Variants in EYS observed in about 807,000 individuals in gnomAD.
EYS encodes EGF-like photoreceptor maintenance factor.
EYS carries 250 observed loss-of-function variants against 282.1 expected under a neutral mutation model. The ratio of observed to expected loss-of-function variants is 0.89; its 90% CI spans 0.80 to 0.98. EYS has a LOEUF of 0.98. Among genes scored for constraint, EYS ranks in the 50% least tolerant of loss-of-function variants. EYS has a pLI of 0.00. For synonymous variants in EYS, 1,355 were observed against 1,282.9 expected (o/e 1.06, Z -1.20); for missense variants, 4,016 against 3,709.0 (o/e 1.08, Z -2.15).
At chr6:65,332,781 AT>A (rs995914170) in intron 11 of EYS, among the ~76,000 whole-genome samples, 1 of 151,230 alleles carries the variant, frequency 6.6e-6, no homozygotes, top group African/African-American at 2.4e-5. Context: ...CATAGTGTTA[AT>A]TTTTGTTAGT....
chr6:64,014,036 CCT>C (rs1169436644), intron 33 of EYS, among the ~76,000 whole-genome samples: 2 of 151,974 alleles, frequency 1.3e-5, no homozygotes, highest in African/African-American at 4.8e-5. Flanking sequence ...GGTGTTCACT[CCT>C]CTGAGTAATC....
At chr6:65,173,459 A>C (rs1373596574) in intron 12 of EYS, among the ~76,000 whole-genome samples, 1 of 151,266 alleles carries the variant, frequency 6.6e-6, no homozygotes, top group African/African-American at 2.4e-5. Flanking sequence ...ATGTATTATC[A>C]AACACCAATA....
At chr6:65,636,982 G>GC (rs1767109777) in intron 2 of EYS, among the ~76,000 whole-genome samples, 1 of 152,034 alleles carries the variant, frequency 6.6e-6, no homozygotes, top group Admixed American at 6.5e-5. Flanking sequence ...TGGATATGTT[G>GC]TTTTTTTAAA....
At chr6:65,276,290 T>C (rs1453736800) in intron 12 of EYS, among the ~76,000 whole-genome samples, 1 of 152,022 alleles carries the variant, frequency 6.6e-6, no homozygotes, top group African/African-American at 2.4e-5. Context: ...AGAGTAGAAA[T>C]AGAAGTAGCA....
intron 26 of EYS, among the ~76,000 whole-genome samples, chr6:64,515,935 T>C (rs1309821337): frequency 2.0e-5 from 3 of 151,794 alleles, no homozygotes; most frequent in Non-Finnish European, 4.4e-5. Flanking sequence ...GTAATTCCCA[T>C]ATAATTTTAT....
chr6:64,606,910 G>A (rs1011556267), intron 24 of EYS, among the ~76,000 whole-genome samples: 2 of 152,076 alleles, frequency 1.3e-5, no homozygotes, highest in African/African-American at 4.8e-5. Flanking sequence ...GATATGCTGT[G>A]TTGTACGTCA....
At chr6:65,435,210 T>C (rs1190542119) in intron 5 of EYS, among the ~76,000 whole-genome samples, 4 of 152,014 alleles carry the variant, frequency 2.6e-5, no homozygotes, top group South Asian at 4.1e-4. Flanking sequence ...GTTACCTATA[T>C]AATTAAATGT....
intron 14 of EYS, among the ~76,000 whole-genome samples, chr6:64,969,959 T>C (rs1770232289): frequency 6.6e-6 from 1 of 152,168 alleles, no homozygotes; most frequent in Non-Finnish European, 1.5e-5. Context: ...GATTATAAAA[T>C]CTGTGGCTTT....
chr6:64,269,803 T>C (rs1767879323), intron 30 of EYS, among the ~76,000 whole-genome samples: 1 of 152,088 alleles, frequency 6.6e-6, no homozygotes, highest in Non-Finnish European at 1.5e-5. Context: ...TTTATATTTT[T>C]AATACTGCTA....
intron 12 of EYS, among the ~76,000 whole-genome samples, chr6:65,167,714 T>C (rs1272579090): frequency 6.6e-6 from 1 of 151,344 alleles, no homozygotes; most frequent in African/African-American, 2.4e-5. Context: ...TCTCCGAATA[T>C]TGCTTCTGTG....
chr6:64,685,163 C>T (rs1416806702), intron 22 of EYS, among the ~76,000 whole-genome samples: 1 of 151,956 alleles, frequency 6.6e-6, no homozygotes, highest in Non-Finnish European at 1.5e-5. Flanking sequence ...AGATGGGAAA[C>T]ATTACCAGAG....
At chr6:65,522,960 C>T (rs562257037) in intron 2 of EYS, among the ~76,000 whole-genome samples, 1 of 152,156 alleles carries the variant, frequency 6.6e-6, no homozygotes, top group East Asian at 1.9e-4. Context: ...TAGGATATTA[C>T]ATTTTTGTGT....
At chr6:65,000,537 C>T (rs142164889) in intron 13 of EYS, among the ~76,000 whole-genome samples, 48 of 152,158 alleles carry the variant, frequency 3.2e-4, no homozygotes, top group African/African-American at 1.1e-3. Flanking sequence ...TTCGGGAGGC[C>T]GAGGCAGGTG....
intron 14 of EYS, among the ~76,000 whole-genome samples, chr6:64,995,304 A>C (rs1771213445): frequency 1.3e-5 from 2 of 152,170 alleles, no homozygotes; most frequent in Non-Finnish European, 2.9e-5. Context: ...CAATGGGAGA[A>C]TACACCTGGA....
intron 35 of EYS, among the ~76,000 whole-genome samples, chr6:63,965,778 G>C (rs1209700284): frequency 6.6e-6 from 1 of 152,106 alleles, no homozygotes; most frequent in East Asian, 1.9e-4. Context: ...TGGGGGAACG[G>C]CTCATTATAA....
chr6:65,396,187 A>G (rs1294007163), intron 7 of EYS, among the ~76,000 whole-genome samples: 1 of 152,184 alleles, frequency 6.6e-6, no homozygotes, highest in Non-Finnish European at 1.5e-5. Context: ...TCCTAGGAGC[A>G]TACTGTCTCA....
intron 33 of EYS, among the ~76,000 whole-genome samples, chr6:64,048,423 A>C (rs554950899): frequency 5.3e-4 from 80 of 152,140 alleles, no homozygotes; most frequent in African/African-American, 1.9e-3. Flanking sequence ...GATGTGGTAT[A>C]TGAGGGAGGA....
At chr6:63,869,849 A>T (rs772491249) in intron 35 of EYS, among the ~76,000 whole-genome samples, 39 of 152,168 alleles carry the variant, frequency 2.6e-4, no homozygotes, top group Non-Finnish European at 4.7e-4. Context: ...GTGAAAAAAT[A>T]AAATAATGCA....
At chr6:63,896,829 CTTCT>C (rs1773547404) in intron 35 of EYS, among the ~76,000 whole-genome samples, 1 of 152,042 alleles carries the variant, frequency 6.6e-6, no homozygotes, top group Admixed American at 6.6e-5. Flanking sequence ...TTGAAATGGG[CTTCT>C]TTCATTTAGT....
Sources: allele counts gnomAD v4.1 joint callset (sites outside exome capture counted in the v4.1 genomes callset), GRCh38; gene constraint gnomAD v4.1.1; transcripts MANE v1.5; gene names NCBI Gene and HGNC (gene_info 2026-07-23, HGNC 2026-07-21).